Variants in CDC42BPA observed in about 807,000 individuals in gnomAD.
The protein encoded by CDC42BPA is serine/threonine-protein kinase MRCK alpha.
CDC42BPA carries 80 observed loss-of-function variants against 223.5 expected under a neutral mutation model. That is an observed-to-expected ratio of 0.36 (90% CI 0.30 to 0.43). The LOEUF is 0.43. CDC42BPA is among the 20% of genes least tolerant of loss of function. The pLI is 1.00. For synonymous variants in CDC42BPA, 694 were observed against 718.6 expected (o/e 0.97, Z 0.55); for missense variants, 1,743 against 2,099.9 (o/e 0.83, Z 3.32).
In CDC42BPA at chr1:227,147,400, C is replaced by T; in HGVS notation, c.853G>A (p.Glu285Lys). 1 of 1,612,488 alleles carries T rather than the reference C, an allele frequency of 6.2e-7. No homozygotes were observed. The change falls in exon 7 of 37, where the codon GAA (glutamate) becomes AAA (lysine). Residue 285 changes from glutamate (E) to lysine (K), a missense_variant. Glu to Lys is a moderately conservative substitution (Grantham distance 56). Around this residue, in one of 6 missense-constraint regions of CDC42BPA, gnomAD observed 321 missense variants for 488.7 expected, o/e 0.66. Transcript: ENST00000366766. ...TTTCCGTATGTCTCCACCAGCGATT[C>T]TGCATAAAATGGTGTTTCTCCGTAA... ...MLYGETPFYA[E>K]SLVETYGKIM... is the part of the protein sequence containing the mutation.
At chr1:227,038,197 T>C (rs371646657) in intron 24 of CDC42BPA, among the ~76,000 whole-genome samples, 23,266 of 151,730 alleles carry the variant, frequency 0.15, 2,170 homozygotes, top group African/African-American at 0.25. Context: ...GATGGTTTTA[T>C]AAAGGGGAGT....
Position 226,994,763 on chromosome 1 carries a change from G to A in CDC42BPA, c.5133+60C>T, listed in dbSNP as rs1372484411. On this transcript the variant is annotated intron_variant, in intron 36 of 36. Transcript: ENST00000366766. This position sits in a 1 kb window ranked among gnomAD's most constrained non-coding sequence, Gnocchi z 4.0. ...AGGCCAATCCCAAGGTGGTGGGATTGCCTGGGAAGATGCCCTAGTCTTTCT... is the reference window on the plus strand; with the variant it reads ...AGGCCAATCCCAAGGTGGTGGGATTACCTGGGAAGATGCCCTAGTCTTTCT... 9 of 1,502,822 alleles carry A rather than the reference G, an allele frequency of 6.0e-6. No individual in the cohort carries two copies. The highest frequency in any genetic ancestry group is 8.1e-6 in the Non-Finnish European group (9 of 1,111,670). The allele number at this position is 1,502,822 out of a possible 1,614,324, so 93.1% of individuals were successfully genotyped here.
chr1:227,293,026 T>A (rs954031910), intron 1 of CDC42BPA, among the ~76,000 whole-genome samples: 2 of 152,226 alleles, frequency 1.3e-5, no homozygotes, highest in Admixed American at 1.3e-4. Flanking sequence ...TTCTTCATCA[T>A]AGCTACTGAC....
intron 21 of CDC42BPA, among the ~76,000 whole-genome samples, chr1:227,066,268 T>C (rs534243288): frequency 1.3e-5 from 2 of 152,146 alleles, no homozygotes; most frequent in East Asian, 3.9e-4. Flanking sequence ...CATGCACCTG[T>C]AGTCCCAGCT....
chr1:226,999,962 T>G (rs1572155567), intron 35 of CDC42BPA, among the ~76,000 whole-genome samples: 4 of 86,814 alleles, frequency 4.6e-5, no homozygotes, highest in South Asian at 3.3e-4. Flanking sequence ...GGTGGGGGGT[T>G]AGGGGAGGGA....
intron 1 of CDC42BPA, among the ~76,000 whole-genome samples, chr1:227,274,795 G>A (rs1686636947): frequency 6.6e-6 from 1 of 151,876 alleles, no homozygotes; most frequent in Admixed American, 6.6e-5. Flanking sequence ...AGAGAAAGGG[G>A]AAACTTTAAG....
At chr1:227,289,888 CA>C (rs10629910) in intron 1 of CDC42BPA, among the ~76,000 whole-genome samples, 8 of 121,070 alleles carry the variant, frequency 6.6e-5, no homozygotes, top group Admixed American at 9.1e-5. Flanking sequence ...CCTGTCTCTA[CA>C]AAAAAAAAAA....
chr1:227,298,188 G>A (rs1195221631), intron 1 of CDC42BPA, among the ~76,000 whole-genome samples: 1 of 151,212 alleles, frequency 6.6e-6, no homozygotes, highest in Non-Finnish European at 1.5e-5. Context: ...CCCCAGAGTC[G>A]TGCCACAATT....
At chr1:227,130,961 T>A (rs1241562141) in intron 10 of CDC42BPA, among the ~76,000 whole-genome samples, 1 of 152,212 alleles carries the variant, frequency 6.6e-6, no homozygotes, top group African/African-American at 2.4e-5. Context: ...GGGGCAGGCA[T>A]CCTCGCTCAT....
At chr1:227,161,343 A>G (rs1323548760) in intron 5 of CDC42BPA, among the ~76,000 whole-genome samples, 2 of 152,226 alleles carry the variant, frequency 1.3e-5, no homozygotes, top group Admixed American at 1.3e-4. Context: ...TTAAGTTTCT[A>G]ATCATAGTAA....
chr1:227,239,372 C>T (rs1679638561), intron 2 of CDC42BPA, among the ~76,000 whole-genome samples: 1 of 152,124 alleles, frequency 6.6e-6, no homozygotes, highest in Non-Finnish European at 1.5e-5. Context: ...TGTCAAAACC[C>T]ACTGAACGTA....
chr1:227,033,448 T>C, intron 26 of CDC42BPA, 33 bp from the exon 27 acceptor site: 2 of 1,412,850 alleles, frequency 1.4e-6, no homozygotes, highest in South Asian at 1.2e-5. Context: ...AAAGTTACTA[T>C]ATGTGGCTAT....
At chr1:227,056,036 C>T (rs967764584) in intron 21 of CDC42BPA, among the ~76,000 whole-genome samples, 1 of 152,128 alleles carries the variant, frequency 6.6e-6, no homozygotes, top group African/African-American at 2.4e-5. Flanking sequence ...TACAGTAGTA[C>T]ATTTAAAAAG....
intron 2 of CDC42BPA, among the ~76,000 whole-genome samples, chr1:227,214,306 T>C (rs1237164599): frequency 6.6e-6 from 1 of 152,168 alleles, no homozygotes; most frequent in Non-Finnish European, 1.5e-5. Flanking sequence ...CATGACCATA[T>C]AATTACAGTA....
intron 3 of CDC42BPA, 78 bp downstream of exon 3, chr1:227,213,058 A>T: frequency 1.4e-6 from 1 of 723,226 alleles, no homozygotes; most frequent in Non-Finnish European, 2.2e-6. Flanking sequence ...AGTAATATTT[A>T]ATGAGCTCTA....
chr1:227,108,169 A>C (rs1241845229), intron 14 of CDC42BPA, among the ~76,000 whole-genome samples: 1 of 152,076 alleles, frequency 6.6e-6, no homozygotes, highest in Non-Finnish European at 1.5e-5. Flanking sequence ...CTAGTACCTT[A>C]AGATATAAAG....
At chr1:227,295,459 T>C (rs138374918) in intron 1 of CDC42BPA, among the ~76,000 whole-genome samples, 1 of 137,974 alleles carries the variant, frequency 7.2e-6, no homozygotes, top group African/African-American at 2.7e-5. Context: ...ATGCCCAGCA[T>C]GAAATTAAAA....
intron 34 of CDC42BPA, among the ~76,000 whole-genome samples, chr1:227,010,687 C>A (rs1171868544): frequency 1.3e-5 from 2 of 151,268 alleles, no homozygotes; most frequent in Non-Finnish European, 2.9e-5. Context: ...AAAGAAGAAA[C>A]AAAATAGAAA....
At chr1:227,296,620 C>T (rs1301960055) in intron 1 of CDC42BPA, among the ~76,000 whole-genome samples, 3 of 150,470 alleles carry the variant, frequency 2.0e-5, no homozygotes, top group African/African-American at 4.9e-5. Context: ...GCAGGAAAAT[C>T]GCTTGAACTC....
Sources: allele counts gnomAD v4.1 joint callset (sites outside exome capture counted in the v4.1 genomes callset), GRCh38; gene constraint gnomAD v4.1.1; regional missense constraint gnomAD v4.1.1; non-coding constraint Gnocchi (gnomAD v3.1); transcripts MANE v1.5; gene names NCBI Gene and HGNC (gene_info 2026-07-23, HGNC 2026-07-21).